The following IL1RAPL2 variants were observed in gnomAD, a reference collection of about 807,000 sequenced individuals.
IL1RAPL2 encodes X-linked interleukin-1 receptor accessory protein-like 2.
Under a neutral mutation model 44.1 loss-of-function variants are expected in IL1RAPL2, and 3 were observed. That is an observed-to-expected ratio of 0.07 (90% CI 0.03 to 0.18). The LOEUF is 0.18. IL1RAPL2 is among the 10% of genes least tolerant of loss of function. IL1RAPL2 has a pLI of 1.00. For missense variants in IL1RAPL2, 391 were observed against 496.4 expected (o/e 0.79, Z 2.02); for synonymous variants, 181 against 178.8 (o/e 1.01, Z -0.10).
At chrX:104,680,331 C>T (rs893003088) in intron 2 of IL1RAPL2, among the ~76,000 whole-genome samples, 5 of 111,620 alleles carry the variant, frequency 4.5e-5, no homozygotes, top group Non-Finnish European at 9.4e-5. Context: ...CACAACCCCC[C>T]TGAAACTGTA....
intron 1 of IL1RAPL2, among the ~76,000 whole-genome samples, chrX:104,637,347 C>G (rs771514927): frequency 9.0e-6 from 1 of 111,401 alleles, no homozygotes; most frequent in South Asian, 3.8e-4. Flanking sequence ...GCTAGTACTT[C>G]CAGTACCATC....
chrX:105,373,203 T>C (rs1168303413), intron 5 of IL1RAPL2, among the ~76,000 whole-genome samples: 1 of 112,441 alleles, frequency 8.9e-6, no homozygotes, highest in Admixed American at 9.4e-5. Context: ...TTTTTAATAG[T>C]AGACATTCTA....
intron 2 of IL1RAPL2, among the ~76,000 whole-genome samples, chrX:104,821,943 C>T (rs771344020): frequency 4.5e-5 from 5 of 112,099 alleles, no homozygotes; most frequent in Admixed American, 2.8e-4. Context: ...CATTCTATCT[C>T]GCGTGAGATG....
chrX:104,679,303 T>G (rs1439216422), intron 2 of IL1RAPL2, among the ~76,000 whole-genome samples: 1 of 111,636 alleles, frequency 9.0e-6, no homozygotes, highest in Non-Finnish European at 1.9e-5. Flanking sequence ...ATGACCAGGA[T>G]GTTAGATAAA....
intron 6 of IL1RAPL2, among the ~76,000 whole-genome samples, chrX:105,605,009 A>AT (rs2037283281): frequency 9.0e-6 from 1 of 110,772 alleles, no homozygotes; most frequent in Admixed American, 9.6e-5. Flanking sequence ...AAGGCCATAT[A>AT]TGACAAACCT....
chrX:104,894,181 G>T (rs1339051931), intron 2 of IL1RAPL2, among the ~76,000 whole-genome samples: 2 of 111,602 alleles, frequency 1.8e-5, no homozygotes, highest in Non-Finnish European at 3.8e-5. Flanking sequence ...TTCCCTTTGT[G>T]GGTAACCCGA....
Position 105,388,148 on chromosome X carries a change from C to CAA in IL1RAPL2, c.698-96126_698-96125dup, listed in dbSNP as rs760730401. Among the ~76,000 whole-genome samples, 22 of 5,386 alleles carry CAA rather than the reference C, an allele frequency of 4.1e-3. 6 individuals are homozygous for CAA. Among genetic ancestry groups the CAA allele is most frequent in the Non-Finnish European group, 9.4e-3 (17 of 1,803 alleles). 4.7% of individuals were successfully genotyped at this position (5,386 alleles called of 115,157 possible). ...GGGCAACAAGAGCGAAACTCCATCT[C>CAA]AAAAAAAAAAAAAAAAAAAAAAAAA... On this transcript the variant is annotated intron_variant, in intron 5 of 10. Transcript: ENST00000372582.
At chrX:105,629,458 T>C (rs1031257883) in intron 6 of IL1RAPL2, among the ~76,000 whole-genome samples, 3 of 111,854 alleles carry the variant, frequency 2.7e-5, no homozygotes, top group African/African-American at 9.7e-5. Context: ...CTTCATCTCA[T>C]TCAGTTTCCA....
intron 10 of IL1RAPL2, among the ~76,000 whole-genome samples, chrX:105,758,454 A>G (rs776601726): frequency 8.7e-4 from 96 of 110,457 alleles, no homozygotes; most frequent in African/African-American, 3.0e-3. Context: ...AAGAATTCTC[A>G]GAAACCTTGG....
intron 6 of IL1RAPL2, among the ~76,000 whole-genome samples, chrX:105,509,126 AC>A (rs200934085): frequency 0.016 from 1,765 of 112,102 alleles, 43 homozygotes; most frequent in African/African-American, 0.055. Flanking sequence ...CTTACATTTT[AC>A]TTGAGAGACA....
intron 2 of IL1RAPL2, among the ~76,000 whole-genome samples, chrX:105,178,766 A>G (rs1055921131): frequency 1.0e-3 from 111 of 111,507 alleles, no homozygotes; most frequent in African/African-American, 3.5e-3. Flanking sequence ...CATTTTTCAT[A>G]TATCTGTTAG....
At chrX:105,665,752 TTTTG>T (rs2037759609) in intron 6 of IL1RAPL2, among the ~76,000 whole-genome samples, 2 of 101,205 alleles carry the variant, frequency 2.0e-5, no homozygotes, top group African/African-American at 7.5e-5. Flanking sequence ...GTTTTTTTTT[TTTTG>T]TTGTTGTTGT....
intron 2 of IL1RAPL2, among the ~76,000 whole-genome samples, chrX:105,157,701 A>G (rs1162976810): frequency 8.9e-6 from 1 of 112,207 alleles, no homozygotes; most frequent in Non-Finnish European, 1.9e-5. Context: ...TCTGAATTGC[A>G]CCTAATACAT....
intron 2 of IL1RAPL2, among the ~76,000 whole-genome samples, chrX:105,039,075 T>C (rs1602912050): frequency 9.0e-6 from 1 of 111,706 alleles, no homozygotes; most frequent in Admixed American, 9.6e-5. Context: ...TGTGAGGTGG[T>C]AATTTATAAG....
chrX:105,137,571 T>C (rs1053408090), intron 2 of IL1RAPL2, among the ~76,000 whole-genome samples: 1 of 112,100 alleles, frequency 8.9e-6, no homozygotes, highest in Non-Finnish European at 1.9e-5. Flanking sequence ...AAAATGCAAC[T>C]CTGTAATGCT....
intron 3 of IL1RAPL2, among the ~76,000 whole-genome samples, chrX:105,225,814 G>A (rs1253038614): frequency 9.1e-6 from 1 of 109,437 alleles, no homozygotes; most frequent in Non-Finnish European, 1.9e-5. Flanking sequence ...AGCCTACCAA[G>A]TAGCTGGGAT....
intron 5 of IL1RAPL2, among the ~76,000 whole-genome samples, chrX:105,279,853 C>T (rs924364445): frequency 8.9e-6 from 1 of 111,989 alleles, no homozygotes; most frequent in Non-Finnish European, 1.9e-5. Context: ...CCATACTGCC[C>T]GAAGTAATTT....
chrX:104,948,718 G>A (rs1454725715), intron 2 of IL1RAPL2, among the ~76,000 whole-genome samples: 52 of 110,284 alleles, frequency 4.7e-4, no homozygotes, highest in African/African-American at 1.4e-3. Flanking sequence ...GCTGGATTAC[G>A]TTTATTGATT....
intron 2 of IL1RAPL2, among the ~76,000 whole-genome samples, chrX:104,728,106 A>G: frequency 9.0e-6 from 1 of 111,251 alleles, no homozygotes; most frequent in Non-Finnish European, 1.9e-5. Context: ...CTATAAAAAT[A>G]AAGAAAAAGA....
Sources: gnomAD v4.1 joint callset for allele counts (sites outside exome capture counted in the v4.1 genomes callset) on GRCh38, gnomAD v4.1.1 for gene constraint, MANE v1.5 for transcripts, NCBI Gene and HGNC (gene_info 2026-07-23, HGNC 2026-07-21) for gene names.